Variants in CSMD1 observed in about 807,000 individuals in gnomAD.
The protein encoded by CSMD1 is CUB and sushi domain-containing protein 1.
In CSMD1, 213 loss-of-function variants were observed where a neutral mutation model predicts 417.5. The observed-to-expected ratio is 0.51, with a 90% confidence interval of 0.46 to 0.57. CSMD1 has a LOEUF of 0.57. Among genes scored for constraint, CSMD1 ranks in the 20% least tolerant of loss-of-function variants. The probability of loss-of-function intolerance (pLI) is 0.00; values close to 1 mark genes in which losing one functional copy is unlikely to be tolerated. For missense variants in CSMD1, 6,923 were observed against 4,529.7 expected, an observed-to-expected ratio of 1.53 and a Z score of -15.17; for synonymous variants, 2,862 against 1,736.8, an observed-to-expected ratio of 1.65 and a Z score of -16.11.
chr8:4,072,544 G>C (rs934575561), intron 3 of CSMD1, among the ~76,000 whole-genome samples: 1 of 152,276 alleles, frequency 6.6e-6, no homozygotes, highest in African/African-American at 2.4e-5. Context: ...ATAGTTTTAA[G>C]TATTGTGCAT....
At chr8:4,837,347 A>T (rs1451512830) in intron 1 of CSMD1, among the ~76,000 whole-genome samples, 1 of 152,210 alleles carries the variant, frequency 6.6e-6, no homozygotes, top group African/African-American at 2.4e-5. Flanking sequence ...GAAGCAACCT[A>T]AGTGTCCATC....
intron 3 of CSMD1, among the ~76,000 whole-genome samples, chr8:4,324,579 T>C (rs17069921): frequency 3.9e-5 from 6 of 152,168 alleles, no homozygotes; most frequent in African/African-American, 1.4e-4. Context: ...AAAGGACTGA[T>C]AAACCTACTA....
intron 2 of CSMD1, among the ~76,000 whole-genome samples, chr8:4,626,397 A>G (rs746101573): frequency 6.6e-6 from 1 of 151,882 alleles, no homozygotes; most frequent in African/African-American, 2.4e-5. Flanking sequence ...GTTATAAAGT[A>G]TGTGGAAGGA....
chr8:4,654,567 G>A (rs1804111082), intron 1 of CSMD1, among the ~76,000 whole-genome samples: 1 of 152,110 alleles, frequency 6.6e-6, no homozygotes, highest in South Asian at 2.1e-4. Flanking sequence ...GGAATGGAGG[G>A]ATGTTGGTCT....
intron 50 of CSMD1, among the ~76,000 whole-genome samples, chr8:3,037,027 T>C (rs1333828946): frequency 2.0e-5 from 3 of 152,138 alleles, no homozygotes; most frequent in African/African-American, 7.2e-5. Flanking sequence ...CTTATGCATT[T>C]GCATCCCTAT....
chr8:3,173,360 G>C (rs1820701780), intron 37 of CSMD1, among the ~76,000 whole-genome samples: 1 of 152,158 alleles, frequency 6.6e-6, no homozygotes, highest in Non-Finnish European at 1.5e-5. Context: ...CATTGTTTTA[G>C]ATATTTCCAT....
In CSMD1 at chr8:3,551,837, C is replaced by T. The variant is rs543359294; in HGVS notation, c.1344+23108G>A. Among the ~76,000 whole-genome samples the T allele has an allele frequency of 2.2e-3, 329 of 152,092 alleles. 2 individuals are homozygous for T. Among genetic ancestry groups the T allele is most frequent in the African/African-American group, 7.4e-3 (306 of 41,462 alleles). On this transcript the variant is annotated intron_variant, in intron 10 of 69. Transcript: ENST00000635120. Reference sequence around the variant, plus strand: ...AGTACCTGCATCAGTCTAGACGTGGCTTTAGCTACTGAAAGATGAGGCTGC... The same window carrying T: ...AGTACCTGCATCAGTCTAGACGTGGTTTTAGCTACTGAAAGATGAGGCTGC...
intron 3 of CSMD1, among the ~76,000 whole-genome samples, chr8:4,117,490 C>G (rs954814337): frequency 1.3e-5 from 2 of 152,136 alleles, no homozygotes; most frequent in Non-Finnish European, 2.9e-5. Context: ...ACTCAATGTG[C>G]TATAAATCAT....
intron 3 of CSMD1, among the ~76,000 whole-genome samples, chr8:4,230,976 A>C (rs147866295): frequency 8.0e-4 from 122 of 152,272 alleles, no homozygotes; most frequent in African/African-American, 2.8e-3. Context: ...TTCATTTGCA[A>C]CATCAGTACT....
chr8:3,856,136 G>T (rs928288286), intron 5 of CSMD1, among the ~76,000 whole-genome samples: 8 of 151,990 alleles, frequency 5.3e-5, no homozygotes, highest in African/African-American at 1.9e-4. Flanking sequence ...GGGCTTGGTG[G>T]GAGGTGACTG....
At chr8:3,101,569 C>T (rs1451475491) in intron 46 of CSMD1, among the ~76,000 whole-genome samples, 1 of 151,212 alleles carries the variant, frequency 6.6e-6, no homozygotes, top group Non-Finnish European at 1.5e-5. Flanking sequence ...ACTACAGGGG[C>T]CCACAACCAT....
chr8:3,978,253 G>A (rs1813592805), intron 5 of CSMD1, among the ~76,000 whole-genome samples: 1 of 152,272 alleles, frequency 6.6e-6, no homozygotes, highest in South Asian at 2.1e-4. Flanking sequence ...TCCAGCAGAG[G>A]TGACCTGACA....
chr8:3,698,357 C>T (rs536404850), intron 7 of CSMD1, among the ~76,000 whole-genome samples: 1 of 152,244 alleles, frequency 6.6e-6, no homozygotes, highest in East Asian at 1.9e-4. Context: ...TGCAAAACTC[C>T]ATTATTACAT....
chr8:4,566,160 A>G (rs1315186222), intron 2 of CSMD1, among the ~76,000 whole-genome samples: 2 of 152,190 alleles, frequency 1.3e-5, no homozygotes, highest in African/African-American at 2.4e-5. Context: ...TCTTGCTATC[A>G]GCACTGAATG....
intron 1 of CSMD1, among the ~76,000 whole-genome samples, chr8:4,705,519 G>T (rs1227434960): frequency 1.3e-5 from 2 of 152,186 alleles, no homozygotes; most frequent in African/African-American, 2.4e-5. Flanking sequence ...AACGCGCACA[G>T]CCTTTATCTC....
At chr8:4,766,918 C>T (rs934733363) in intron 1 of CSMD1, among the ~76,000 whole-genome samples, 1 of 152,022 alleles carries the variant, frequency 6.6e-6, no homozygotes, top group African/African-American at 2.4e-5. Context: ...AGATTAGGCC[C>T]TATTAAAAAT....
intron 1 of CSMD1, among the ~76,000 whole-genome samples, chr8:4,804,600 G>A (rs1222224376): frequency 6.6e-6 from 1 of 151,990 alleles, no homozygotes; most frequent in South Asian, 2.1e-4. Flanking sequence ...AGGAAGGAAA[G>A]TACGAAGGAA....
intron 52 of CSMD1, among the ~76,000 whole-genome samples, chr8:3,015,824 A>G (rs1015893193): frequency 3.9e-5 from 6 of 152,292 alleles, no homozygotes; most frequent in Non-Finnish European, 7.4e-5. Flanking sequence ...GAAAAGCAAT[A>G]GCAAGACTGA....
intron 40 of CSMD1, among the ~76,000 whole-genome samples, chr8:3,147,304 C>T (rs949364907): frequency 2.6e-5 from 4 of 152,166 alleles, no homozygotes. Flanking sequence ...TTTTCAACTT[C>T]CCAAAATCTC....
Sources: allele counts gnomAD v4.1 joint callset (sites outside exome capture counted in the v4.1 genomes callset), GRCh38; gene constraint gnomAD v4.1.1; transcripts MANE v1.5; gene names NCBI Gene and HGNC (gene_info 2026-07-23, HGNC 2026-07-21).